The following TSHZ1 variants were observed in gnomAD, a reference collection of about 807,000 sequenced individuals.
TSHZ1 encodes teashirt homolog 1.
Under a neutral mutation model 67.1 loss-of-function variants are expected in TSHZ1, and 12 were observed. The ratio of observed to expected loss-of-function variants is 0.18; its 90% CI spans 0.11 to 0.29. The LOEUF is 0.29. TSHZ1 is among the 10% of genes least tolerant of loss of function. The probability of loss-of-function intolerance (pLI) is 1.00; values close to 1 mark genes in which losing one functional copy is unlikely to be tolerated. For synonymous variants in TSHZ1, 632 were observed against 622.4 expected (o/e 1.02, Z -0.23); for missense variants, 1,305 against 1,413.9 (o/e 0.92, Z 1.23).
intron 1 of TSHZ1, among the ~76,000 whole-genome samples, chr18:75,248,399 T>C (rs1255412502): frequency 1.3e-5 from 2 of 152,258 alleles, no homozygotes; most frequent in Non-Finnish European, 2.9e-5. Flanking sequence ...TCCTAGACTG[T>C]GGCCCACATG....
chr18:75,217,200 C>T (rs1175479606), intron 1 of TSHZ1, among the ~76,000 whole-genome samples: 1 of 152,148 alleles, frequency 6.6e-6, no homozygotes, highest in Non-Finnish European at 1.5e-5. Context: ...TTCTTATGAA[C>T]GATTAACAGT....
intron 1 of TSHZ1, among the ~76,000 whole-genome samples, chr18:75,224,885 G>A (rs1210889916): frequency 6.6e-6 from 1 of 151,982 alleles, no homozygotes; most frequent in African/African-American, 2.4e-5. Flanking sequence ...TATTATTAGA[G>A]AATTCCTAAC....
chr18:75,228,338 C>T (rs1244065095), intron 1 of TSHZ1, among the ~76,000 whole-genome samples: 1 of 152,190 alleles, frequency 6.6e-6, no homozygotes, highest in Admixed American at 6.5e-5. Context: ...TAGACATGTA[C>T]ATTAAAGATG....
At chr18:75,236,736 A>G (rs1249307311) in intron 1 of TSHZ1, among the ~76,000 whole-genome samples, 1 of 152,092 alleles carries the variant, frequency 6.6e-6, no homozygotes, top group Non-Finnish European at 1.5e-5. Flanking sequence ...AATTGACTAT[A>G]TTCCTGACAC....
intron 1 of TSHZ1, among the ~76,000 whole-genome samples, chr18:75,274,962 T>G (rs1291164394): frequency 6.6e-6 from 1 of 152,212 alleles, no homozygotes; most frequent in Non-Finnish European, 1.5e-5. Flanking sequence ...ATGCAGGATG[T>G]GTTAGCTCAT....
intron 1 of TSHZ1, among the ~76,000 whole-genome samples, chr18:75,220,228 A>T (rs1460889600): frequency 6.6e-6 from 1 of 152,190 alleles, no homozygotes; most frequent in African/African-American, 2.4e-5. Context: ...CAAACAAAAT[A>T]TTAATTTTTT....
chr18:75,239,306 T>G (rs28719962), intron 1 of TSHZ1, among the ~76,000 whole-genome samples: 2,933 of 152,372 alleles, frequency 0.019, 65 homozygotes, highest in African/African-American at 0.053. Context: ...TTATTTTATT[T>G]TATTTTGATT....
intron 1 of TSHZ1, among the ~76,000 whole-genome samples, chr18:75,242,872 T>TG (rs2023173752): frequency 6.6e-6 from 1 of 152,242 alleles, no homozygotes; most frequent in African/African-American, 2.4e-5. Flanking sequence ...CCGTGGGTCC[T>TG]GAGTCTTGAA....
Position 75,289,198 on chromosome 18 carries a change from A to G in TSHZ1, c.*557A>G, listed in dbSNP as rs2023828758. The G allele has an allele frequency of 6.0e-6, 1 of 167,108 alleles. No homozygotes were observed. The highest frequency in any genetic ancestry group is 6.5e-5 in the Admixed American group (1 of 15,290). The allele number at this position is 167,108 out of a possible 1,614,324, so 10.4% of individuals were successfully genotyped here. A position where few individuals can be genotyped will look rare whatever the true frequency, so the allele number is the denominator to read the frequency against. The stretch of plus-strand genomic sequence containing the variant: ...ATGCAGAACTGGTTTGTGAGGAAAC[A>G]TGCATGCAGCTGTGGGAAGATAGAA... On this transcript the variant is annotated 3_prime_UTR_variant, in exon 2 of 2. Coordinates refer to ENST00000580243, the MANE Select transcript of TSHZ1 (RefSeq NM_001308210.2).
chr18:75,228,270 A>C (rs2022951780), intron 1 of TSHZ1, among the ~76,000 whole-genome samples: 1 of 152,256 alleles, frequency 6.6e-6, no homozygotes, highest in Non-Finnish European at 1.5e-5. Context: ...TACCAAGGGC[A>C]GTCAGAGCCC....
chr18:75,270,522 G>A (rs933473955), intron 1 of TSHZ1, among the ~76,000 whole-genome samples: 3 of 152,046 alleles, frequency 2.0e-5, no homozygotes, highest in African/African-American at 7.2e-5. Context: ...AAGTGTGCTG[G>A]GAAAATACCC....
At chr18:75,267,231 GA>G (rs1568364481) in intron 1 of TSHZ1, among the ~76,000 whole-genome samples, 3 of 152,288 alleles carry the variant, frequency 2.0e-5, no homozygotes, top group East Asian at 3.9e-4. Flanking sequence ...AAGCTGGTGT[GA>G]AGCCGTCTTT....
At position 75,286,704 on chromosome 18, in the gene TSHZ1, G is replaced by A. The variant is rs373817259; in HGVS notation, c.1297G>A (p.Ala433Thr). ...CCACGACACGCTGCAGCAGCTCACC[G>A]CCCACATGATGGTCACCGGGCACTT... Reference protein sequence around the residue: ...SSHDTLQQLTAHMMVTGHFLK... With the variant: ...SSHDTLQQLTTHMMVTGHFLK... Residue 433 changes from alanine to threonine, a missense_variant, in exon 2 of 2, where the codon GCC becomes ACC. Coordinates refer to ENST00000580243, the MANE Select transcript of TSHZ1 (RefSeq NM_001308210.2). This position sits in a 1 kb window ranked among gnomAD's most constrained non-coding sequence, Gnocchi z 5.1. The A allele has an allele frequency of 5.0e-6, 8 of 1,613,876 alleles. No homozygotes were observed. Among genetic ancestry groups the A allele is most frequent in the South Asian group, 2.2e-5 (2 of 91,088 alleles).
At chr18:75,219,305 A>G (rs1346600290) in intron 1 of TSHZ1, among the ~76,000 whole-genome samples, 2 of 152,252 alleles carry the variant, frequency 1.3e-5, no homozygotes, top group Non-Finnish European at 2.9e-5. Context: ...GGGTTGATAG[A>G]GGATGCCCTT....
intron 1 of TSHZ1, among the ~76,000 whole-genome samples, chr18:75,264,917 T>C (rs1364285066): frequency 2.0e-5 from 3 of 152,222 alleles, no homozygotes; most frequent in Non-Finnish European, 2.9e-5. Flanking sequence ...ACAGCTAAAA[T>C]AAATTTCTAC....
At chr18:75,223,677 A>C (rs2022879717) in intron 1 of TSHZ1, among the ~76,000 whole-genome samples, 1 of 151,580 alleles carries the variant, frequency 6.6e-6, no homozygotes, top group African/African-American at 2.4e-5. Context: ...CTTGCTAGGC[A>C]TCCTTTTCCC....
At chr18:75,212,037 C>G (rs2022700789) in intron 1 of TSHZ1, 121 bp downstream of exon 1, 2 of 717,636 alleles carry the variant, frequency 2.8e-6, no homozygotes, top group African/African-American at 1.9e-5. Context: ...GAGGGGAGGC[C>G]CAGCCTGCGC....
At position 75,286,999 on chromosome 18, in the gene TSHZ1, C is replaced by T; in HGVS notation, c.1592C>T (p.Thr531Ile). The T allele has an allele frequency of 1.9e-6, 3 of 1,614,014 alleles. No homozygotes were observed. The South Asian group carries it at 3.3e-5, about 18-fold the overall frequency. ...EDSLEKFEPS[T>I]LYPYLREEDL... is the part of the protein sequence containing the mutation. ...AGCTTGGAGAAATTTGAGCCCAGCA[C>T]CCTGTACCCGTACCTGCGTGAGGAG... The change falls in exon 2 of 2, where the codon ACC (threonine) becomes ATC (isoleucine). Residue 531 changes from threonine to isoleucine, a missense_variant. Around this residue, in one of 3 missense-constraint regions of TSHZ1, gnomAD observed 909 missense variants for 961.8 expected, o/e 0.95. Coordinates refer to ENST00000580243, the MANE Select transcript of TSHZ1 (RefSeq NM_001308210.2). The surrounding 1 kb of genome is among the most constrained non-coding windows in gnomAD (Gnocchi z 5.1).
chr18:75,218,976 A>G (rs1485871803), intron 1 of TSHZ1, among the ~76,000 whole-genome samples: 4 of 152,254 alleles, frequency 2.6e-5, no homozygotes, highest in East Asian at 1.9e-4. Flanking sequence ...CATGACAACA[A>G]TAAAAATAGA....
Sources: allele counts gnomAD v4.1 joint callset (sites outside exome capture counted in the v4.1 genomes callset), GRCh38; gene constraint gnomAD v4.1.1; regional missense constraint gnomAD v4.1.1; non-coding constraint Gnocchi (gnomAD v3.1); transcripts MANE v1.5; gene names NCBI Gene and HGNC (gene_info 2026-07-23, HGNC 2026-07-21).